ZBTB4: variants seen among roughly 807,000 people sequenced by gnomAD.
ZBTB4 encodes zinc finger and BTB domain-containing protein 4.
Under a neutral mutation model 59.8 loss-of-function variants are expected in ZBTB4, and 14 were observed. That is an observed-to-expected ratio of 0.23 (90% CI 0.15 to 0.37). The LOEUF (loss-of-function observed/expected upper bound fraction) is 0.37. ZBTB4 is among the 10% of genes least tolerant of loss of function. The pLI, the probability that ZBTB4 is intolerant of heterozygous loss-of-function variation, is 1.00. For synonymous variants in ZBTB4, 587 were observed against 575.2 expected (o/e 1.02, Z -0.29); for missense variants, 1,198 against 1,380.8 (o/e 0.87, Z 2.10).
Position 7,462,939 on chromosome 17 carries a change from A to C in ZBTB4, c.2043T>G (p.Gly681=). The part of the protein sequence containing the change: ...KPKRKAGAAG[G]ASVGGSGLPR... ...GCAGCCCACTGCCCCCCACACTGGC[A>C]CCTCCAGCAGCTCCAGCCTTGCGCT... The change falls in exon 4 of 4, where the codon GGT becomes GGG. Residue 681 remains glycine, a synonymous_variant. Transcript: ENST00000380599. The surrounding 1 kb of genome is among the most constrained non-coding windows in gnomAD (Gnocchi z 7.5). 1 of 1,608,580 alleles carries C rather than the reference A, an allele frequency of 6.2e-7. No individual in the cohort carries two copies. The highest frequency in any genetic ancestry group is 8.5e-7 in the Non-Finnish European group (1 of 1,178,492).
Position 7,463,495 on chromosome 17 carries a change from G to A in ZBTB4, c.1487C>T (p.Thr496Met), listed in dbSNP as rs777923085. The A allele has an allele frequency of 6.5e-6, 10 of 1,547,668 alleles. No homozygotes were observed. Among genetic ancestry groups the A allele is most frequent in the South Asian group, 4.9e-5 (4 of 81,148 alleles). The stretch of plus-strand genomic sequence containing the variant: ...AGCTTGGGACCCTCCTGTGCTGGCC[G>A]TCCCACTCCCCCCTCCACCACTGCT... Reference protein sequence around the residue: ...GSSSGGGGSGTASTGGSQAAS... With the variant: ...GSSSGGGGSGMASTGGSQAAS... The change falls in exon 4 of 4, where the codon ACG (threonine) becomes ATG (methionine). Residue 496 changes from threonine to methionine, a missense_variant. By Grantham distance (81) the Thr-to-Met change is moderately conservative (BLOSUM62 -1). This residue lies in a region of ZBTB4 where 550 missense variants were observed against 541.8 expected (regional missense o/e 1.02). Transcript: ENST00000380599.
Position 7,465,929 on chromosome 17 carries a change from G to C in ZBTB4, c.873C>G (p.Gly291=). ...CCACGTGCTCGGGGCCCCCTCGGAA[G>C]CCCACTGGTGGAGGCAGGGCTGAGG... ...VDASALPPPV[G]FRGGPEHVVK... is the part of the protein sequence containing the mutation. The change falls in exon 3 of 4, where the codon GGC becomes GGG. Residue 291 remains glycine, a synonymous_variant. Coordinates refer to ENST00000380599, the MANE Select transcript of ZBTB4 (RefSeq NM_001128833.2). 1 of 1,609,518 alleles carries C rather than the reference G, an allele frequency of 6.2e-7. No individual in the cohort carries two copies. Among genetic ancestry groups the C allele is most frequent in the Non-Finnish European group, 8.5e-7 (1 of 1,176,954 alleles).
chr17:7,482,075 T>C, upstream of ZBTB4: 2 of 1,614,150 alleles, frequency 1.2e-6, no homozygotes, highest in Non-Finnish European at 1.7e-6. Flanking sequence ...GCACCAGTGC[T>C]GCCAGCCCTC....
intron 1 of ZBTB4, among the ~76,000 whole-genome samples, chr17:7,477,523 C>T (rs975962391): frequency 6.6e-6 from 1 of 152,188 alleles, no homozygotes; most frequent in African/African-American, 2.4e-5. Flanking sequence ...CACATCCTTC[C>T]AGTGGGGCCG....
chr17:7,482,089 T>A, upstream of ZBTB4: 1 of 1,614,206 alleles, frequency 6.2e-7, no homozygotes, highest in Non-Finnish European at 8.5e-7. Flanking sequence ...AGCCCTCTGA[T>A]GCCACCAATG....
At chr17:7,464,001 C>T (rs1481128892) in intron 3 of ZBTB4, 111 bp from the exon 4 acceptor site, 14 of 1,488,884 alleles carry the variant, frequency 9.4e-6, no homozygotes, top group African/African-American at 1.4e-5. Context: ...CTCCCGTAGC[C>T]TTGTGCTGCC....
chr17:7,471,445 T>G (rs1473035333), intron 1 of ZBTB4, among the ~76,000 whole-genome samples: 7 of 152,218 alleles, frequency 4.6e-5, no homozygotes, highest in Non-Finnish European at 1.0e-4. Context: ...GCATTTTATC[T>G]GTATCATCTC....
chr17:7,470,172 T>C (rs1212083946), intron 1 of ZBTB4, among the ~76,000 whole-genome samples: 1 of 151,952 alleles, frequency 6.6e-6, no homozygotes, highest in Non-Finnish European at 1.5e-5. Flanking sequence ...CTGAGGCAGG[T>C]GGATCCCTTG....
intron 3 of ZBTB4, among the ~76,000 whole-genome samples, chr17:7,464,877 C>A (rs1333142678): frequency 4.7e-5 from 7 of 149,900 alleles, no homozygotes; most frequent in Admixed American, 2.0e-4. Flanking sequence ...AAAAATGCCG[C>A]CGGGCGCGGT....
upstream of ZBTB4, chr17:7,482,251 G>A (rs771473860): frequency 6.2e-7 from 1 of 1,613,970 alleles, no homozygotes; most frequent in East Asian, 2.2e-5. Context: ...TACTTAAACT[G>A]CGTGGCGACC....
intron 1 of ZBTB4, among the ~76,000 whole-genome samples, chr17:7,476,146 C>T (rs575794650): frequency 2.9e-4 from 44 of 152,294 alleles, no homozygotes; most frequent in African/African-American, 1.1e-3. Context: ...GGCCTCCAGG[C>T]TTACCTTCCT....
intron 1 of ZBTB4, among the ~76,000 whole-genome samples, chr17:7,473,506 C>T (rs1314641191): frequency 6.6e-6 from 1 of 151,644 alleles, no homozygotes; most frequent in Non-Finnish European, 1.5e-5. Flanking sequence ...GTGATCTGCC[C>T]GCCTCAGCCT....
chr17:7,465,885 T>TG lies in ZBTB4; in HGVS notation c.916dup (p.His306ProfsTer38). On this transcript the variant is annotated frameshift_variant, in exon 3 of 4. Coordinates refer to ENST00000380599, the MANE Select transcript of ZBTB4 (RefSeq NM_001128833.2). LOFTEE classifies it high-confidence loss of function. ...GCAGGCCGCGCACACATACAGCACG[T>TG]GGCCGCCCACCACCTTCACCACGTG... 1 of 1,613,772 alleles carries TG rather than the reference T, an allele frequency of 6.2e-7. No homozygotes were observed. The highest frequency in any genetic ancestry group is 8.5e-7 in the Non-Finnish European group (1 of 1,179,758).
At chr17:7,464,940 A>G (rs969785941) in intron 3 of ZBTB4, among the ~76,000 whole-genome samples, 11 of 151,202 alleles carry the variant, frequency 7.3e-5, no homozygotes, top group African/African-American at 2.7e-4. Flanking sequence ...GTGGATCACA[A>G]GGTCAGGAAA....
At position 7,466,221 on chromosome 17, in the gene ZBTB4, G is replaced by A. The variant is rs1392502718; in HGVS notation, c.581C>T (p.Ala194Val). ...GCTGTCCTCTTCAGGCTGCGAGGTGGCCATGGGGGCTGGGGTAGGAGGTAC... is the reference window on the plus strand; with the variant it reads ...GCTGTCCTCTTCAGGCTGCGAGGTGACCATGGGGGCTGGGGTAGGAGGTAC... The part of the protein sequence containing the change: ...AWVPPTPAPM[A>V]TSQPEEDSFG... Residue 194 changes from alanine (A) to valine (V), a missense_variant, in exon 3 of 4, where the codon GCC (alanine) becomes GTC (valine). Physicochemically the swap from Ala to Val is moderately conservative, Grantham distance 64. Around this residue, in one of 9 missense-constraint regions of ZBTB4, gnomAD observed 204 missense variants for 205.5 expected, o/e 0.99. Transcript: ENST00000380599. This position sits in a 1 kb window ranked among gnomAD's most constrained non-coding sequence, Gnocchi z 9.1. 6.2e-7 allele frequency: 1 copy of A among 1,613,580 alleles called. No homozygotes were observed. Among genetic ancestry groups the A allele is most frequent in the East Asian group, 2.2e-5 (1 of 44,882 alleles).
intron 3 of ZBTB4, 44 bp from the exon 4 acceptor site, chr17:7,463,934 G>A (rs1226357908): frequency 3.2e-6 from 5 of 1,575,170 alleles, no homozygotes; most frequent in Non-Finnish European, 4.3e-6. Context: ...ACAGGCACTT[G>A]AGTCAAGGGC....
At position 7,463,568 on chromosome 17, in the gene ZBTB4, T is replaced by C; in HGVS notation, c.1414A>G (p.Ile472Val). ...GAGGGGGCTGGGTGGGCAAAAGTGA[T>C]GACAGAGGGTGGAGGGCCAGGCTCT... is the stretch of plus-strand genomic sequence containing the variant. Reference protein sequence around the residue: ...APEPGPPPSVITFAHPAPSVI... With the variant: ...APEPGPPPSVVTFAHPAPSVI... Residue 472 changes from isoleucine (I) to valine (V), a missense_variant, in exon 4 of 4, where the codon ATC becomes GTC. This residue lies in a region of ZBTB4 where 550 missense variants were observed against 541.8 expected (regional missense o/e 1.02). Transcript: ENST00000380599. 1 of 1,591,962 alleles carries C rather than the reference T, an allele frequency of 6.3e-7. No homozygotes were observed. Among genetic ancestry groups the C allele is most frequent in the Non-Finnish European group, 8.5e-7 (1 of 1,169,954 alleles).
intron 1 of ZBTB4, among the ~76,000 whole-genome samples, chr17:7,477,851 C>T (rs75821240): frequency 0.011 from 1,614 of 152,256 alleles, 14 homozygotes; most frequent in Middle Eastern, 0.031. Flanking sequence ...AGCTTACTTC[C>T]CTTGTGGCCG....
chr17:7,475,136 T>C (rs1258823084), intron 1 of ZBTB4, among the ~76,000 whole-genome samples: 1 of 148,260 alleles, frequency 6.7e-6, no homozygotes, highest in Non-Finnish European at 1.5e-5. Flanking sequence ...CTAGCCAACA[T>C]GGTGAGACCA....
Sources: gnomAD v4.1 joint callset for allele counts (sites outside exome capture counted in the v4.1 genomes callset) on GRCh38, gnomAD v4.1.1 for gene constraint, gnomAD v4.1.1 regional missense constraint, Gnocchi (gnomAD v3.1) non-coding constraint, MANE v1.5 for transcripts, NCBI Gene and HGNC (gene_info 2026-07-23, HGNC 2026-07-21) for gene names.